Variants in PEPD observed in about 807,000 individuals in gnomAD.
The protein encoded by PEPD is xaa-Pro dipeptidase.
In PEPD, 53 loss-of-function variants were observed where a neutral mutation model predicts 60.7. The ratio of observed to expected loss-of-function variants is 0.87; its 90% CI spans 0.70 to 1.10. PEPD has a LOEUF of 1.10. Among genes scored for constraint, PEPD ranks in the 50% least tolerant of loss-of-function variants. PEPD has a pLI of 0.00. For missense variants in PEPD, 711 were observed against 711.9 expected (o/e 1.00, Z 0.01); for synonymous variants, 267 against 284.1 (o/e 0.94, Z 0.60).
chr19:33,444,458 C>A (rs1157038119), intron 9 of PEPD, among the ~76,000 whole-genome samples: 2 of 151,446 alleles, frequency 1.3e-5, no homozygotes, highest in Non-Finnish European at 2.9e-5. Context: ...GCAGCGGATG[C>A]ATGCCATGTG....
chr19:33,447,244 G>A (rs570697978), intron 9 of PEPD, among the ~76,000 whole-genome samples: 1 of 152,320 alleles, frequency 6.6e-6, no homozygotes, highest in African/African-American at 2.4e-5. Context: ...CACTCATGGA[G>A]GGTGGCCCCA....
chr19:33,439,348 T>A (rs1233919297), intron 9 of PEPD, among the ~76,000 whole-genome samples: 2 of 152,168 alleles, frequency 1.3e-5, no homozygotes, highest in East Asian at 3.9e-4. Flanking sequence ...TGGCCCTGAC[T>A]TCTGGCAGGA....
chr19:33,427,942 C>T (rs1370381559), intron 9 of PEPD, among the ~76,000 whole-genome samples: 1 of 151,856 alleles, frequency 6.6e-6, no homozygotes, highest in Admixed American at 6.6e-5. Flanking sequence ...AGTGACGGTG[C>T]CTGTAGGCAA....
At position 33,498,070 on chromosome 19, in the gene PEPD, C is replaced by A. The variant is rs376090071; in HGVS notation, c.393+2868G>T. On this transcript the variant is annotated intron_variant, in intron 4 of 14. Transcript: ENST00000244137. ...TCCCTGCCCCGCTGTGTCCCTCCCG[C>A]AGCGGGAGGGCCAAGGGGCTCCAAG... is the stretch of plus-strand genomic sequence containing the variant. Among the ~76,000 whole-genome samples, 15 of 152,110 alleles carry A rather than the reference C, an allele frequency of 9.9e-5. 2 individuals are homozygous for A. Among genetic ancestry groups the A allele is most frequent in the African/African-American group, 3.6e-4 (15 of 41,522 alleles).
intron 9 of PEPD, among the ~76,000 whole-genome samples, chr19:33,447,557 A>T (rs965764306): frequency 1.3e-5 from 2 of 152,204 alleles, no homozygotes; most frequent in African/African-American, 4.8e-5. Context: ...CTGACATGGG[A>T]TGGAGCCTGT....
intron 2 of PEPD, chr19:33,511,594 C>G (rs569202524): frequency 3.4e-6 from 1 of 294,408 alleles, no homozygotes; most frequent in Non-Finnish European, 6.7e-6. Flanking sequence ...CTCCCACCCC[C>G]GGGACGGCTG....
chr19:33,454,588 C>T (rs1174470322), intron 9 of PEPD, among the ~76,000 whole-genome samples: 3 of 148,794 alleles, frequency 2.0e-5, no homozygotes, highest in African/African-American at 5.0e-5. Context: ...GGTGATGGAG[C>T]GAGACTCTGT....
chr19:33,519,324 TA>T (rs1971086606), intron 1 of PEPD, among the ~76,000 whole-genome samples: 1 of 152,214 alleles, frequency 6.6e-6, no homozygotes, highest in African/African-American at 2.4e-5. Flanking sequence ...GATGCTAGTT[TA>T]GGGCTTCCCC....
chr19:33,503,982 C>T (rs1307333440), intron 3 of PEPD, among the ~76,000 whole-genome samples: 2 of 152,152 alleles, frequency 1.3e-5, no homozygotes, highest in African/African-American at 4.8e-5. Flanking sequence ...CATTCCCGCC[C>T]CTCCTGCCAA....
intron 6 of PEPD, among the ~76,000 whole-genome samples, chr19:33,479,408 C>CT (rs879353300): frequency 1.1e-3 from 155 of 141,740 alleles, no homozygotes; most frequent in African/African-American, 2.9e-3. Context: ...CGAATGAATT[C>CT]TTTTTTTTTT....
intron 7 of PEPD, among the ~76,000 whole-genome samples, chr19:33,476,914 C>T (rs778944910): frequency 1.8e-4 from 28 of 152,192 alleles, no homozygotes; most frequent in Non-Finnish European, 2.8e-4. Context: ...CCACCCACCT[C>T]GGCCTCCCAA....
rs1219469150 is a variant in PEPD, at chr19:33,511,144, AAAG to A, written c.210_212del (p.Phe71del). On this transcript the variant is annotated inframe_deletion, in exon 3 of 15. Transcript: ENST00000244137. Reference sequence around the variant, plus strand: ...GCTCAGTGACACCGAACGCCCAGTGAAAGAAGGACTCCTGTGGCGGGAACAAGA... The same window carrying A: ...GCTCAGTGACACCGAACGCCCAGTGAAAGGACTCCTGTGGCGGGAACAAGA... The A allele has an allele frequency of 1.9e-6, 3 of 1,614,094 alleles. No individual in the cohort carries two copies. The highest frequency in any genetic ancestry group is 2.5e-6 in the Non-Finnish European group (3 of 1,179,952).
chr19:33,458,291 G>A (rs1054456569), intron 9 of PEPD, among the ~76,000 whole-genome samples: 2 of 151,360 alleles, frequency 1.3e-5, no homozygotes, highest in Non-Finnish European at 2.9e-5. Flanking sequence ...TGTGTGGTGA[G>A]TGTGGTGTGT....
chr19:33,392,698 G>A (rs113139100), intron 12 of PEPD, among the ~76,000 whole-genome samples: 2,526 of 152,348 alleles, frequency 0.017, 78 homozygotes, highest in African/African-American at 0.058. Context: ...CGCAGAGCCA[G>A]AGCCTGCTCT....
At chr19:33,488,484 C>T (rs1324937958) in intron 6 of PEPD, among the ~76,000 whole-genome samples, 1 of 152,136 alleles carries the variant, frequency 6.6e-6, no homozygotes, top group South Asian at 2.1e-4. Context: ...TTCAGGGAGT[C>T]CCGGGACTGG....
chr19:33,461,236 A>T (rs1969920268), intron 9 of PEPD, among the ~76,000 whole-genome samples: 1 of 152,100 alleles, frequency 6.6e-6, no homozygotes, highest in African/African-American at 2.4e-5. Context: ...AAAACTAAAC[A>T]CAAAAACCTG....
At position 33,411,731 on chromosome 19, in the gene PEPD, C is replaced by G. The variant is rs1968780096; in HGVS notation, c.759G>C (p.Val253=). Residue 253 remains valine, a synonymous_variant, in exon 11 of 15, where the codon GTG becomes GTC. Transcript: ENST00000244137. ...GAGCTCCGGCGTGTCCGTAGTGTAG[C>G]ACGGCTGAGTTCTCACCACTGCAAA... The part of the protein sequence containing the change: ...CICGSGENSA[V]LHYGHAGAPN... 1.9e-6 allele frequency: 3 copies of G among 1,609,090 alleles called. No individual in the cohort carries two copies. The highest frequency in any genetic ancestry group is 1.7e-6 in the Non-Finnish European group (2 of 1,175,848).
chr19:33,458,067 G>A (rs1472505292), intron 9 of PEPD, among the ~76,000 whole-genome samples: 2 of 152,092 alleles, frequency 1.3e-5, no homozygotes, highest in Non-Finnish European at 2.9e-5. Flanking sequence ...GGTGGCGTGT[G>A]TATGGTGTGT....
At chr19:33,497,931 T>C (rs1970636882) in intron 4 of PEPD, among the ~76,000 whole-genome samples, 1 of 152,110 alleles carries the variant, frequency 6.6e-6, no homozygotes, top group Non-Finnish European at 1.5e-5. Flanking sequence ...GGGAGGCCCC[T>C]GGCGTCACAT....
Sources: allele counts gnomAD v4.1 joint callset (sites outside exome capture counted in the v4.1 genomes callset), GRCh38; gene constraint gnomAD v4.1.1; transcripts MANE v1.5; gene names NCBI Gene and HGNC (gene_info 2026-07-23, HGNC 2026-07-21).